Variants in ZNRF2 observed in about 807,000 individuals in gnomAD.
ZNRF2 encodes zinc and ring finger 2.
ZNRF2 carries 16 observed loss-of-function variants against 20.4 expected under a neutral mutation model. The ratio of observed to expected loss-of-function variants is 0.79; its 90% CI spans 0.53 to 1.19. The LOEUF is 1.19. Among genes scored for constraint, ZNRF2 ranks in the 50% most tolerant of loss-of-function variants. The pLI is 0.00. For missense variants in ZNRF2, 363 were observed against 332.4 expected (o/e 1.09, Z -0.72); for synonymous variants, 178 against 144.9 (o/e 1.23, Z -1.64).
At chr7:30,286,377 A>G (rs1798789836) in intron 1 of ZNRF2, among the ~76,000 whole-genome samples, 1 of 152,214 alleles carries the variant, frequency 6.6e-6, no homozygotes, top group African/African-American at 2.4e-5. Context: ...TGCGTTAATG[A>G]AAAGTTTGTT....
intron 1 of ZNRF2, among the ~76,000 whole-genome samples, chr7:30,312,219 AGTCCTCCCTCCTTG>A (rs1432786796): frequency 6.6e-6 from 1 of 152,108 alleles, no homozygotes; most frequent in African/African-American, 2.4e-5. Flanking sequence ...GTACTCAAGC[AGTCCTCCCTCCTTG>A]GTCTCTCAGA....
intron 2 of ZNRF2, among the ~76,000 whole-genome samples, chr7:30,331,602 C>T (rs1489701025): frequency 2.0e-5 from 3 of 152,006 alleles, no homozygotes; most frequent in Admixed American, 1.3e-4. Context: ...ATATAAAAAT[C>T]GCAGAAAAAG....
At chr7:30,342,424 T>C (rs1583590665) in intron 2 of ZNRF2, among the ~76,000 whole-genome samples, 3 of 152,156 alleles carry the variant, frequency 2.0e-5, no homozygotes, top group Admixed American at 2.0e-4. Flanking sequence ...ACAGGCGTGG[T>C]GATGACAGAA....
At chr7:30,296,168 TAGAA>T (rs1284577558) in intron 1 of ZNRF2, among the ~76,000 whole-genome samples, 1 of 152,250 alleles carries the variant, frequency 6.6e-6, no homozygotes, top group African/African-American at 2.4e-5. Flanking sequence ...TGTATTGCTC[TAGAA>T]AGAAGTGGTA....
chr7:30,314,947 G>A (rs1343849254), intron 1 of ZNRF2, among the ~76,000 whole-genome samples: 1 of 151,978 alleles, frequency 6.6e-6, no homozygotes, highest in Non-Finnish European at 1.5e-5. Context: ...CTCCTGAGTA[G>A]CTGGGACTAC....
rs1265966845 is a variant in ZNRF2 at position 30,285,120 on chromosome 7, C to T, written c.-238C>T. On this transcript the variant is annotated 5_prime_UTR_variant, in exon 1 of 5. Transcript: ENST00000323037. ...GGGTGCCTGCAGCCGGGACCCCTTCCTCTCCGCGTCTCCTCGTCTCCCGCG... is the reference window on the plus strand; with the variant it reads ...GGGTGCCTGCAGCCGGGACCCCTTCTTCTCCGCGTCTCCTCGTCTCCCGCG... The T allele has an allele frequency of 6.0e-5, 25 of 417,536 alleles. No homozygotes were observed. The highest frequency in any genetic ancestry group is 1.7e-5 in the South Asian group (1 of 60,238). The allele number at this position is 417,536 out of a possible 1,614,324, so 25.9% of individuals were successfully genotyped here.
At chr7:30,292,605 A>AT (rs971677106) in intron 1 of ZNRF2, among the ~76,000 whole-genome samples, 85 of 152,222 alleles carry the variant, frequency 5.6e-4, no homozygotes, top group African/African-American at 1.9e-3. Flanking sequence ...AGGCCTATCT[A>AT]TAGTTGCTAT....
At chr7:30,319,778 T>C (rs1799438418) in intron 1 of ZNRF2, among the ~76,000 whole-genome samples, 1 of 152,178 alleles carries the variant, frequency 6.6e-6, no homozygotes, top group South Asian at 2.1e-4. Flanking sequence ...TCATTGTCTA[T>C]ATGTTTTCTT....
At chr7:30,295,069 G>T (rs889346542) in intron 1 of ZNRF2, among the ~76,000 whole-genome samples, 1 of 144,804 alleles carries the variant, frequency 6.9e-6, no homozygotes, top group Non-Finnish European at 1.5e-5. Flanking sequence ...GTGTGTGTGT[G>T]TGTGTGTGTG....
chr7:30,295,044 A>AGTGT lies in ZNRF2; in HGVS notation c.469+9219_469+9220insTGTG, dbSNP rs1798991028. Among the ~76,000 whole-genome samples the AGTGT allele has an allele frequency of 4.5e-5, 5 of 111,866 alleles. No individual in the cohort carries two copies. The East Asian group carries it at 8.2e-4, about 18-fold the overall frequency. 73.4% of individuals were successfully genotyped at this position (111,866 alleles called of 152,430 possible). The stretch of plus-strand genomic sequence containing the variant: ...GAGAGAGAGAGAGAGAGAGAGAGAG[A>AGTGT]GAGAGAGTGTGTGTGTGTGTGTGTG... On this transcript the variant is annotated intron_variant, in intron 1 of 4. Coordinates refer to ENST00000323037, the MANE Select transcript of ZNRF2 (RefSeq NM_147128.4).
chr7:30,298,778 A>G (rs4000221), intron 1 of ZNRF2, among the ~76,000 whole-genome samples: 3 of 151,890 alleles, frequency 2.0e-5, no homozygotes, highest in Non-Finnish European at 4.4e-5. Flanking sequence ...GAGATCTCAC[A>G]GCTCCTTACG....
chr7:30,340,380 G>C (rs1799776226), intron 2 of ZNRF2, among the ~76,000 whole-genome samples: 3 of 152,120 alleles, frequency 2.0e-5, no homozygotes. Flanking sequence ...TATTAGCTGT[G>C]GGTTTGTCAT....
intron 1 of ZNRF2, among the ~76,000 whole-genome samples, chr7:30,310,611 T>G (rs945493109): frequency 1.3e-4 from 20 of 152,154 alleles, no homozygotes; most frequent in Admixed American, 1.3e-3. Flanking sequence ...TTTTAAAAAA[T>G]TTTTATTCAG....
At chr7:30,335,893 G>GC (rs1350044223) in intron 2 of ZNRF2, among the ~76,000 whole-genome samples, 1 of 148,758 alleles carries the variant, frequency 6.7e-6, no homozygotes, top group African/African-American at 2.6e-5. Flanking sequence ...TGTGTTGGAA[G>GC]GGGGGAAAGA....
At chr7:30,346,707 A>G (rs1166895748) in intron 2 of ZNRF2, among the ~76,000 whole-genome samples, 1 of 151,914 alleles carries the variant, frequency 6.6e-6, no homozygotes, top group Non-Finnish European at 1.5e-5. Context: ...CCTATCTCTA[A>G]TTCATCCTGC....
chr7:30,308,403 T>A (rs1365490905), intron 1 of ZNRF2, among the ~76,000 whole-genome samples: 1 of 152,182 alleles, frequency 6.6e-6, no homozygotes, highest in African/African-American at 2.4e-5. Context: ...GTGCACAGAT[T>A]TCTTTAGGAC....
intron 1 of ZNRF2, among the ~76,000 whole-genome samples, chr7:30,300,984 G>A (rs2128057680): frequency 6.6e-6 from 1 of 152,316 alleles, no homozygotes; most frequent in Middle Eastern, 3.4e-3. Context: ...TTGTGCAAGA[G>A]GAGCCTGGGG....
chr7:30,349,781 G>T (rs148058812), intron 2 of ZNRF2, among the ~76,000 whole-genome samples: 178 of 152,170 alleles, frequency 1.2e-3, no homozygotes, highest in African/African-American at 4.1e-3. Context: ...GAATAGAAAT[G>T]AACCTGAAAT....
At chr7:30,357,131 T>C (rs1462932601) in intron 3 of ZNRF2, among the ~76,000 whole-genome samples, 2 of 151,872 alleles carry the variant, frequency 1.3e-5, no homozygotes, top group Non-Finnish European at 2.9e-5. Flanking sequence ...CCTAGAAAAA[T>C]AGAGCAATGC....
Sources: allele counts gnomAD v4.1 joint callset (sites outside exome capture counted in the v4.1 genomes callset), GRCh38; gene constraint gnomAD v4.1.1; transcripts MANE v1.5; gene names NCBI Gene and HGNC (gene_info 2026-07-23, HGNC 2026-07-21).